Variants in DNAH3 observed in about 807,000 individuals in gnomAD.
DNAH3 encodes dynein axonemal heavy chain 3.
Under a neutral mutation model 432.5 loss-of-function variants are expected in DNAH3, and 332 were observed. The observed-to-expected ratio is 0.77, with a 90% CI of 0.70 to 0.84. DNAH3 has a LOEUF of 0.84. Ranked by LOEUF, DNAH3 falls within the 40% of genes least tolerant of loss-of-function variation. DNAH3 has a pLI of 0.00. For missense variants in DNAH3, 4,861 were observed against 5,114.0 expected (o/e 0.95, Z 1.51); for synonymous variants, 1,956 against 1,900.2 (o/e 1.03, Z -0.76).
At chr16:21,052,234 C>T (rs572389373) in intron 28 of DNAH3, among the ~76,000 whole-genome samples, 8 of 152,236 alleles carry the variant, frequency 5.3e-5, no homozygotes, top group Admixed American at 3.9e-4. Flanking sequence ...TCAAGTGATC[C>T]GCCTGCCTCG....
rs1253025898 is a variant in DNAH3 at position 20,948,641 on chromosome 16, G to C, written c.11189-4C>G. 6.2e-7 allele frequency: 1 copy of C among 1,613,998 alleles called. No individual in the cohort carries two copies. The highest frequency in any genetic ancestry group is 1.1e-5 in the South Asian group (1 of 91,054). ...CTGCCTCCGTAATTACATTCCCCTG[G>C]GGACAACCAACAGAAGGAGAGGTTG... On this transcript the variant is annotated splice_polypyrimidine_tract_variant and splice_region_variant and intron_variant, in intron 56 of 61. Transcript: ENST00000261383.
At chr16:21,081,590 G>A (rs1567757358) in intron 20 of DNAH3, 46 bp downstream of exon 20, 25 of 1,509,212 alleles carry the variant, frequency 1.7e-5, no homozygotes, top group Non-Finnish European at 2.2e-5. Context: ...GGAACTTACA[G>A]ATCCTTTGAC....
Position 21,027,049 on chromosome 16 carries a change from C to A in DNAH3, c.5518G>T (p.Ala1840Ser), listed in dbSNP as rs201890783. Residue 1840 changes from alanine to serine, a missense_variant, in exon 38 of 62, where the codon GCC (alanine) becomes TCC (serine). Ala to Ser is a moderately conservative substitution (Grantham distance 99). Coordinates refer to ENST00000261383, the Ensembl canonical transcript of DNAH3. Reference sequence around the variant, plus strand: ...CACCTGCTCACAGTGGCTGGAGAGGCTTGCTCGAGGTCGGCGGGCTCGAAG... The same window carrying A: ...CACCTGCTCACAGTGGCTGGAGAGGATTGCTCGAGGTCGGCGGGCTCGAAG... 5 of 1,613,574 alleles carry A rather than the reference C, an allele frequency of 3.1e-6. No individual in the cohort carries two copies. Among genetic ancestry groups the A allele is most frequent in the Non-Finnish European group, 4.2e-6 (5 of 1,179,900 alleles).
rs541758725 is a variant in DNAH3, at chr16:20,993,183, A to T, written c.6601+4100T>A. The stretch of plus-strand genomic sequence containing the variant: ...CCCCAGCCCTAACTTCCTATGTATT[A>T]CATCTTGACCTCCTTTTTTCCACCC... On this transcript the variant is annotated intron_variant, in intron 44 of 61. Transcript: ENST00000261383. Among the ~76,000 whole-genome samples, 9 of 152,198 alleles carry T rather than the reference A, an allele frequency of 5.9e-5. No homozygotes were observed. In the South Asian group the frequency reaches 1.7e-3, roughly 28 times the overall value.
intron 6 of DNAH3, among the ~76,000 whole-genome samples, chr16:21,135,026 A>C (rs982836149): frequency 2.3e-4 from 35 of 152,218 alleles, no homozygotes; most frequent in African/African-American, 7.7e-4. Context: ...GCCTCTGTCC[A>C]TTTGCAAGGT....
At chr16:21,141,175 T>G in intron 4 of DNAH3, 125 bp downstream of exon 5, 1 of 734,082 alleles carries the variant, frequency 1.4e-6, no homozygotes. Context: ...AAGTGATTCG[T>G]GGATAAGAAT....
At chr16:20,982,929 G>A in intron 48 of DNAH3, 43 bp from the exon 49 acceptor site, 1 of 1,609,442 alleles carries the variant, frequency 6.2e-7, no homozygotes, top group Non-Finnish European at 8.5e-7. Flanking sequence ...CTCCAAGGCA[G>A]GTGGACCCAA....
chr16:21,068,331 G>GC (rs1346932714), intron 23 of DNAH3, among the ~76,000 whole-genome samples: 1 of 132,928 alleles, frequency 7.5e-6, no homozygotes, highest in Non-Finnish European at 1.6e-5. Context: ...TGGGTGGGGG[G>GC]GGGGACAGAG....
chr16:20,973,265 C>G (rs1442590229), intron 51 of DNAH3, among the ~76,000 whole-genome samples: 1 of 150,014 alleles, frequency 6.7e-6, no homozygotes. Flanking sequence ...TTTTTTTTTT[C>G]TTTTTGAGAT....
exon 48 of DNAH3, chr16:20,985,709 T>A: frequency 6.2e-7 from 1 of 1,611,736 alleles, no homozygotes; most frequent in African/African-American, 1.3e-5. Flanking sequence ...GACAAGTGGA[T>A]AAGCACCTGT....
intron 55 of DNAH3, among the ~76,000 whole-genome samples, chr16:20,953,150 T>C (rs2084391306): frequency 6.6e-6 from 1 of 151,564 alleles, no homozygotes; most frequent in African/African-American, 2.4e-5. Flanking sequence ...TTTGTTTTGT[T>C]TTTTTGTTTG....
intron 59 of DNAH3, among the ~76,000 whole-genome samples, chr16:20,939,772 A>T (rs1443782638): frequency 6.6e-6 from 1 of 152,198 alleles, no homozygotes; most frequent in Non-Finnish European, 1.5e-5. Flanking sequence ...CAGTGTCTGG[A>T]GCAGCAAGAC....
intron 1 of DNAH3, among the ~76,000 whole-genome samples, chr16:21,147,211 C>T (rs2092796721): frequency 6.6e-6 from 1 of 151,494 alleles, no homozygotes; most frequent in East Asian, 1.9e-4. Context: ...ACTTTAAAAA[C>T]ATTGACTCTT....
exon 53 of DNAH3, chr16:20,963,331 C>T (rs1226329105): frequency 1.2e-6 from 2 of 1,614,024 alleles, no homozygotes; most frequent in African/African-American, 1.3e-5. Context: ...CAAAGGCGCA[C>T]AGCAGCTGGA....
At chr16:21,003,919 A>G (rs1280854302) in intron 41 of DNAH3, among the ~76,000 whole-genome samples, 1 of 152,208 alleles carries the variant, frequency 6.6e-6, no homozygotes, top group African/African-American at 2.4e-5. Context: ...CTGAAGATGG[A>G]AAGACAGATA....
At chr16:20,945,767 G>A (rs2084017855) in intron 57 of DNAH3, among the ~76,000 whole-genome samples, 1 of 152,142 alleles carries the variant, frequency 6.6e-6, no homozygotes, top group Non-Finnish European at 1.5e-5. Context: ...TGGGATTACA[G>A]GCATGAGCCA....
At chr16:21,150,231 T>TAA in intron 1 of DNAH3, 59 bp downstream of exon 2, 1 of 360,870 alleles carries the variant, frequency 2.8e-6, no homozygotes, top group Non-Finnish European at 5.2e-6. Flanking sequence ...TGTCTCAAAA[T>TAA]AAAAAATAAA....
Position 21,042,188 on chromosome 16 carries a change from C to T in DNAH3, c.4477G>A (p.Val1493Met), listed in dbSNP as rs779871166. The change falls in exon 32 of 62, where the codon GTG (valine) becomes ATG (methionine). Residue 1493 changes from valine to methionine, a missense_variant. Val to Met is a conservative substitution (Grantham distance 21, BLOSUM62 1). Transcript: ENST00000261383. The stretch of plus-strand genomic sequence containing the variant: ...ATGCTGAGGATCTGCTGAGCGACCA[C>T]AGACAGCACTTCTACCTGGGGTGAG... 6 of 1,605,136 alleles carry T rather than the reference C, an allele frequency of 3.7e-6. No individual in the cohort carries two copies. The highest frequency in any genetic ancestry group is 1.7e-5 in the Admixed American group (1 of 57,906).
chr16:21,136,695 T>C, intron 5 of DNAH3, 182 bp from the exon 7 acceptor site: 1 of 618,912 alleles, frequency 1.6e-6, no homozygotes, highest in South Asian at 1.9e-5. Context: ...CTGGCAAATT[T>C]TCCCCAGGAC....
Sources: gnomAD v4.1 joint callset for allele counts (sites outside exome capture counted in the v4.1 genomes callset) on GRCh38, gnomAD v4.1.1 for gene constraint, MANE v1.5 for transcripts, NCBI Gene and HGNC (gene_info 2026-07-23, HGNC 2026-07-21) for gene names.